The following RFX3 variants were observed in gnomAD, a reference collection of about 807,000 sequenced individuals.
RFX3 encodes the protein transcription factor RFX3.
RFX3 carries 14 observed loss-of-function variants against 98.6 expected under a neutral mutation model. That is an observed-to-expected ratio of 0.14 (90% CI 0.09 to 0.22). The LOEUF (loss-of-function observed/expected upper bound fraction) is 0.22. Ranked by LOEUF, RFX3 falls within the 10% of genes least tolerant of loss-of-function variation. The probability of loss-of-function intolerance (pLI) is 1.00; values close to 1 mark genes in which losing one functional copy is unlikely to be tolerated. For synonymous variants in RFX3, 383 were observed against 328.4 expected, an observed-to-expected ratio of 1.17 and a Z score of -1.80; for missense variants, 639 against 926.9, an observed-to-expected ratio of 0.69 and a Z score of 4.03.
intron 1 of RFX3, among the ~76,000 whole-genome samples, chr9:3,502,920 T>C (rs142082106): frequency 0.011 from 1,683 of 152,286 alleles, 26 homozygotes; most frequent in South Asian, 0.031. Context: ...GATGGATACA[T>C]GGAAATTCAC....
At chr9:3,276,888 CA>C (rs1825298535) in intron 8 of RFX3, among the ~76,000 whole-genome samples, 1 of 151,796 alleles carries the variant, frequency 6.6e-6, no homozygotes, top group Non-Finnish European at 1.5e-5. Context: ...CTATAAATTA[CA>C]AAAATAGAAA....
chr9:3,448,615 C>G (rs185245901), intron 1 of RFX3, among the ~76,000 whole-genome samples: 1 of 152,172 alleles, frequency 6.6e-6, no homozygotes, highest in Admixed American at 6.5e-5. Flanking sequence ...CCTTCCTAGT[C>G]TCAAGTAATC....
At position 3,520,144 on chromosome 9, in the gene RFX3, G is replaced by A. The variant is rs186603066; in HGVS notation, c.-9+5603C>T. ...AAAATCTTAGTGGCAAAAACTAACTGGTAAACTGTAGGACTATATTTTTAA... is the reference window on the plus strand; with the variant it reads ...AAAATCTTAGTGGCAAAAACTAACTAGTAAACTGTAGGACTATATTTTTAA... On this transcript the variant is annotated intron_variant, in intron 1 of 16. Coordinates refer to ENST00000617270, the MANE Select transcript of RFX3 (RefSeq NM_001282116.2). Among the ~76,000 whole-genome samples, 549 of 152,044 alleles carry A rather than the reference G, an allele frequency of 3.6e-3. 2 individuals carry two copies. Among genetic ancestry groups the A allele is most frequent in the Admixed American group, 8.7e-3 (133 of 15,262 alleles).
chr9:3,347,943 TTAAC>T (rs1270666935), intron 2 of RFX3, among the ~76,000 whole-genome samples: 1 of 152,218 alleles, frequency 6.6e-6, no homozygotes, highest in African/African-American at 2.4e-5. Flanking sequence ...TTATGAAACA[TTAAC>T]TATTCCTTAA....
intron 2 of RFX3, among the ~76,000 whole-genome samples, chr9:3,366,233 T>C (rs943203775): frequency 6.6e-6 from 1 of 152,176 alleles, no homozygotes; most frequent in Admixed American, 6.5e-5. Context: ...GAGCATTTTA[T>C]GCCCCGGATG....
intron 1 of RFX3, among the ~76,000 whole-genome samples, chr9:3,414,383 A>C (rs1842707861): frequency 6.6e-6 from 1 of 152,000 alleles, no homozygotes; most frequent in Non-Finnish European, 1.5e-5. Flanking sequence ...AGAAATTAAA[A>C]ACACAATAGA....
intron 1 of RFX3, among the ~76,000 whole-genome samples, chr9:3,513,199 T>C (rs999649289): frequency 1.3e-5 from 2 of 152,158 alleles, no homozygotes; most frequent in African/African-American, 4.8e-5. Context: ...AGAGACTAAT[T>C]TATCCAATTA....
chr9:3,357,912 G>A (rs1341515446), intron 2 of RFX3, among the ~76,000 whole-genome samples: 1 of 151,970 alleles, frequency 6.6e-6, no homozygotes, highest in Non-Finnish European at 1.5e-5. Flanking sequence ...AAGGTCTTCT[G>A]TAACTTATTT....
chr9:3,353,337 T>TA (rs1290972474), intron 2 of RFX3, among the ~76,000 whole-genome samples: 1 of 151,948 alleles, frequency 6.6e-6, no homozygotes, highest in Non-Finnish European at 1.5e-5. Context: ...CCCTAAAACT[T>TA]AAAGTATAAT....
At chr9:3,262,767 G>A (rs753550246) in intron 13 of RFX3, among the ~76,000 whole-genome samples, 168 bp downstream of exon 13, 3 of 152,106 alleles carry the variant, frequency 2.0e-5, no homozygotes, top group Non-Finnish European at 4.4e-5. Context: ...CACAAACATG[G>A]GAGCACTACA....
intron 5 of RFX3, among the ~76,000 whole-genome samples, chr9:3,300,284 T>C (rs992095254): frequency 2.6e-5 from 4 of 151,786 alleles, no homozygotes; most frequent in Admixed American, 6.6e-5. Context: ...CCAGAATATA[T>C]ACTATCATGT....
intron 2 of RFX3, among the ~76,000 whole-genome samples, chr9:3,372,596 G>A (rs1473058970): frequency 6.8e-6 from 1 of 146,444 alleles, no homozygotes; most frequent in African/African-American, 2.6e-5. Context: ...CACACAGGCT[G>A]GAGTGCGGTG....
chr9:3,310,277 T>C (rs2130428610), intron 4 of RFX3, among the ~76,000 whole-genome samples: 1 of 152,244 alleles, frequency 6.6e-6, no homozygotes, highest in Non-Finnish European at 1.5e-5. Context: ...CTATGCAATG[T>C]CCCAAACAGA....
rs746725569 is a variant in RFX3, at chr9:3,426,070, G to A, written c.-8-30474C>T. ...ATGATCTTTTTTAAATATACTATACGATTGGATTTACTTATATTTTATTTA... is the reference window on the plus strand; with the variant it reads ...ATGATCTTTTTTAAATATACTATACAATTGGATTTACTTATATTTTATTTA... On this transcript the variant is annotated intron_variant, in intron 1 of 16. Coordinates refer to ENST00000617270, the MANE Select transcript of RFX3 (RefSeq NM_001282116.2). 2.6e-5 allele frequency among the ~76,000 whole-genome samples: 4 copies of A among 151,868 alleles called. No individual in the cohort carries two copies. In the East Asian group the frequency reaches 7.7e-4, roughly 29 times the overall value.
At position 3,252,089 on chromosome 9, in the gene RFX3, C is replaced by T. The variant is rs573307925; in HGVS notation, c.1815-3904G>A. ...TGTCGAACTCCCGACCTCAGGTGAT[C>T]CGCCCACCTCGGCCTTCTGTTAAAA... is the stretch of plus-strand genomic sequence containing the variant. On this transcript the variant is annotated intron_variant, in intron 14 of 16. Transcript: ENST00000617270. 5.3e-5 allele frequency among the ~76,000 whole-genome samples: 8 copies of T among 151,726 alleles called. 1 individual carries two copies. In the South Asian group the frequency reaches 1.7e-3, roughly 32 times the overall value.
At chr9:3,387,662 C>T (rs767278932) in intron 2 of RFX3, among the ~76,000 whole-genome samples, 21 of 151,074 alleles carry the variant, frequency 1.4e-4, no homozygotes, top group Non-Finnish European at 2.7e-4. Flanking sequence ...ATTTGGAATT[C>T]ATTTTAAAAT....
intron 15 of RFX3, chr9:3,246,975 GTATTTTAATGTATTT>G: frequency 1.4e-6 from 1 of 730,852 alleles, no homozygotes; most frequent in Non-Finnish European, 1.7e-6. Flanking sequence ...GGTCCTTGAA[GTATTTTAATGTATTT>G]TTATTTATAC....
At chr9:3,401,405 C>T (rs1841460597) in intron 1 of RFX3, among the ~76,000 whole-genome samples, 1 of 152,186 alleles carries the variant, frequency 6.6e-6, no homozygotes, top group Non-Finnish European at 1.5e-5. Context: ...TTTTGTTTTA[C>T]TCCCAGCATA....
chr9:3,259,323 T>C (rs1377011003), intron 13 of RFX3, among the ~76,000 whole-genome samples: 1 of 152,050 alleles, frequency 6.6e-6, no homozygotes, highest in African/African-American at 2.4e-5. Context: ...CTTAGAGAAA[T>C]AAAACCACAG....
Sources: gnomAD v4.1 joint callset for allele counts (sites outside exome capture counted in the v4.1 genomes callset) on GRCh38, gnomAD v4.1.1 for gene constraint, MANE v1.5 for transcripts, NCBI Gene and HGNC (gene_info 2026-07-23, HGNC 2026-07-21) for gene names.